Variants in BMAL1 observed in about 807,000 individuals in gnomAD.
BMAL1 encodes the protein basic helix-loop-helix ARNT like 1, also known as basic helix-loop-helix ARNT-like protein 1.
the BMAL1 span, chr11:13,356,390 A>G: frequency 1.9e-6 from 1 of 522,278 alleles, no homozygotes; most frequent in Non-Finnish European, 3.7e-6. Context: ...GGGGAGAATG[A>G]GAGGTTATAT....
chr11:13,325,924 G>A, the BMAL1 span, among the ~76,000 whole-genome samples: 1 of 151,986 alleles, frequency 6.6e-6, no homozygotes, highest in Admixed American at 6.6e-5. Flanking sequence ...AGAACAAGGG[G>A]CCGGGGGCGG....
chr11:13,295,334 GGAGA>G, the BMAL1 span, among the ~76,000 whole-genome samples: 1 of 151,476 alleles, frequency 6.6e-6, no homozygotes, highest in Non-Finnish European at 1.5e-5. Flanking sequence ...TGTGGTAGAG[GGAGA>G]GAGAGAGAGA....
At chr11:13,297,762 C>T in the BMAL1 span, among the ~76,000 whole-genome samples, 1 of 152,334 alleles carries the variant, frequency 6.6e-6, no homozygotes, top group East Asian at 1.9e-4. Flanking sequence ...AGCTGAGTGA[C>T]ATTGGGCAAG....
chr11:13,295,321 C>T, the BMAL1 span, among the ~76,000 whole-genome samples: 12 of 126,098 alleles, frequency 9.5e-5, no homozygotes, highest in South Asian at 1.2e-3. Flanking sequence ...GAGAGAGAGA[C>T]GATGTGGTAG....
the BMAL1 span, among the ~76,000 whole-genome samples, chr11:13,302,583 T>C: frequency 3.3e-5 from 5 of 152,224 alleles, no homozygotes; most frequent in Non-Finnish European, 5.9e-5. Flanking sequence ...GTGGGCTCTG[T>C]GTGTGGTTTA....
At chr11:13,340,643 A>G in the BMAL1 span, among the ~76,000 whole-genome samples, 3 of 151,250 alleles carry the variant, frequency 2.0e-5, no homozygotes, top group South Asian at 6.3e-4. Context: ...ACTCTCCTCA[A>G]CTCCCTCCTC....
the BMAL1 span, among the ~76,000 whole-genome samples, chr11:13,296,769 G>C: frequency 1.3e-5 from 2 of 152,210 alleles, no homozygotes; most frequent in Non-Finnish European, 2.9e-5. Flanking sequence ...CAGTTTCCAA[G>C]ATAAGTTTGG....
At chr11:13,322,497 T>G in the BMAL1 span, among the ~76,000 whole-genome samples, 18 of 152,364 alleles carry the variant, frequency 1.2e-4, no homozygotes, top group East Asian at 3.5e-3. Context: ...TGAATCAGTT[T>G]GCATTTATAT....
chr11:13,382,517 C>G, the BMAL1 span, among the ~76,000 whole-genome samples: 1 of 151,552 alleles, frequency 6.6e-6, no homozygotes, highest in African/African-American at 2.4e-5. Flanking sequence ...CGCCCCCCTG[C>G]CCACAACACA....
the BMAL1 span, chr11:13,357,187 A>G: frequency 5.1e-6 from 8 of 1,563,094 alleles, no homozygotes; most frequent in Middle Eastern, 1.9e-4. The surrounding 1 kb of genome is among the most constrained non-coding windows in gnomAD (Gnocchi z 4.8). Flanking sequence ...GGTCCTGTCT[A>G]AGAGTTCTGT....
chr11:13,316,658 C>CT, the BMAL1 span, among the ~76,000 whole-genome samples: 1 of 152,222 alleles, frequency 6.6e-6, no homozygotes, highest in East Asian at 1.9e-4. Context: ...GGCAACTCAC[C>CT]AGGCCTCCAG....
the BMAL1 span, among the ~76,000 whole-genome samples, chr11:13,284,180 G>GTATATATATATATATA: frequency 4.7e-5 from 1 of 21,140 alleles, no homozygotes; most frequent in Non-Finnish European, 1.1e-4. Flanking sequence ...ATATATATGT[G>GTATATATATATATATA]TATATATATA....
At chr11:13,369,818 C>G in the BMAL1 span, 2 of 1,582,790 alleles carry the variant, frequency 1.3e-6, no homozygotes, top group South Asian at 2.3e-5. Flanking sequence ...AGCATGCTTT[C>G]TGCAGCGGAG....
the BMAL1 span, among the ~76,000 whole-genome samples, chr11:13,352,382 T>A: frequency 6.6e-6 from 1 of 152,190 alleles, no homozygotes; most frequent in Non-Finnish European, 1.5e-5. Context: ...TAGGAGGCCA[T>A]TGTGGTAGAA....
At chr11:13,281,685 T>C in the BMAL1 span, among the ~76,000 whole-genome samples, 496 of 152,254 alleles carry the variant, frequency 3.3e-3, 2 homozygotes, top group African/African-American at 0.011. Context: ...CATTTTTGTA[T>C]TTTTATTAGA....
the BMAL1 span, chr11:13,380,343 G>A: frequency 2.6e-5 from 4 of 152,186 alleles, no homozygotes; most frequent in Admixed American, 2.6e-4. Flanking sequence ...TGGAGGAGTG[G>A]TCTCTGGGTC....
the BMAL1 span, among the ~76,000 whole-genome samples, chr11:13,284,106 GTGTGTA>G: frequency 1.7e-4 from 14 of 80,690 alleles, no homozygotes; most frequent in African/African-American, 4.1e-4. Flanking sequence ...GTGTGTGTGT[GTGTGTA>G]TATATATGTG....
the BMAL1 span, among the ~76,000 whole-genome samples, chr11:13,287,454 T>A: frequency 6.6e-6 from 1 of 152,224 alleles, no homozygotes; most frequent in Non-Finnish European, 1.5e-5. Flanking sequence ...GGAATACCAG[T>A]GGCAATGTCA....
the BMAL1 span, among the ~76,000 whole-genome samples, chr11:13,301,377 C>T: frequency 6.6e-5 from 10 of 152,186 alleles, no homozygotes; most frequent in African/African-American, 2.2e-4. Context: ...GAACCCAGTG[C>T]ACCCCTGTTT....
Sources: allele counts gnomAD v4.1 joint callset (sites outside exome capture counted in the v4.1 genomes callset), GRCh38; gene constraint gnomAD v4.1.1; non-coding constraint Gnocchi (gnomAD v3.1); transcripts MANE v1.5; gene names NCBI Gene and HGNC (gene_info 2026-07-23, HGNC 2026-07-21).